The following BEST3 variants were observed in gnomAD, a reference collection of about 807,000 sequenced individuals.
BEST3 encodes the protein bestrophin-3.
A neutral mutation model predicts 47.1 loss-of-function variants in BEST3; 50 were observed. The observed-to-expected ratio is 1.06, with a 90% CI of 0.85 to 1.34. The LOEUF (loss-of-function observed/expected upper bound fraction) is 1.34, where lower values mean the gene tolerates loss of function less well. Ranked by LOEUF, BEST3 falls within the 40% of genes most tolerant of loss-of-function variation. The pLI is 0.00. For missense variants in BEST3, 765 were observed against 817.0 expected (o/e 0.94, Z 0.78); for synonymous variants, 282 against 298.8 (o/e 0.94, Z 0.58).
chr12:69,670,402 C>T (rs764089109), intron 9 of BEST3: 3 of 700,760 alleles, frequency 4.3e-6, no homozygotes, highest in South Asian at 1.5e-5. Context: ...CTCCTGGCTC[C>T]TAAATCGTTC....
At chr12:69,682,262 A>G (rs1364485554) in intron 4 of BEST3, among the ~76,000 whole-genome samples, 1 of 152,184 alleles carries the variant, frequency 6.6e-6, no homozygotes. Flanking sequence ...ATTCTGACAC[A>G]TAGTGGTGTT....
chr12:69,670,649 G>C (rs768352097), intron 9 of BEST3: 7 of 680,376 alleles, frequency 1.0e-5, no homozygotes, highest in Non-Finnish European at 1.9e-5. Flanking sequence ...AGCAACCACA[G>C]GACACAAACC....
intron 4 of BEST3, chr12:69,688,993 G>T: frequency 3.4e-6 from 2 of 589,528 alleles, no homozygotes; most frequent in Non-Finnish European, 4.3e-6. Flanking sequence ...TTTATGTAGA[G>T]AATTCAACTG....
chr12:69,670,682 C>A, intron 9 of BEST3: 1 of 579,692 alleles, frequency 1.7e-6, no homozygotes, highest in Non-Finnish European at 3.1e-6. Context: ...CCGCTTACAG[C>A]AGGCCTCAGG....
At chr12:69,665,920 G>A (rs901333372) in intron 9 of BEST3, among the ~76,000 whole-genome samples, 2 of 152,132 alleles carry the variant, frequency 1.3e-5, no homozygotes, top group Non-Finnish European at 2.9e-5. Context: ...AGATAAAGGC[G>A]GGTGGAGAAT....
intron 4 of BEST3, among the ~76,000 whole-genome samples, chr12:69,681,653 G>A (rs1885259012): frequency 6.6e-6 from 1 of 152,138 alleles, no homozygotes. Flanking sequence ...AAGGCCATAG[G>A]TCTGAATCAC....
chr12:69,683,571 C>G lies in BEST3; in HGVS notation c.482-4678G>C, dbSNP rs1885379252. On this transcript the variant is annotated intron_variant, in intron 4 of 9. Coordinates refer to ENST00000330891, the MANE Select transcript of BEST3 (RefSeq NM_032735.3). ...AATCAGAAACCCAGAAGAATGCAAC[C>G]ATTTGTCTCTTACCTACCTATGACC... The G allele has an allele frequency of 3.3e-5, 5 of 152,370 alleles. No individual in the cohort carries two copies. In the South Asian group the frequency reaches 1.0e-3, roughly 32 times the overall value. The allele number at this position is 152,370 out of a possible 1,614,324, so 9.4% of individuals were successfully genotyped here. A position where few individuals can be genotyped will look rare whatever the true frequency, so the allele number is the denominator to read the frequency against.
intron 4 of BEST3, among the ~76,000 whole-genome samples, chr12:69,686,373 A>G (rs12322558): frequency 0.19 from 28,793 of 152,136 alleles, 4,044 homozygotes; most frequent in African/African-American, 0.39. Flanking sequence ...TATTAATTCC[A>G]TGTTAGAGAA....
intron 4 of BEST3, among the ~76,000 whole-genome samples, chr12:69,691,100 TG>T (rs1256465197): frequency 6.6e-6 from 1 of 152,174 alleles, no homozygotes; most frequent in African/African-American, 2.4e-5. Context: ...AAAAAAGACC[TG>T]GGATATTATA....
chr12:69,682,525 A>C (rs775473), intron 4 of BEST3, among the ~76,000 whole-genome samples: 109,580 of 151,924 alleles, frequency 0.72, 39,562 homozygotes, highest in South Asian at 0.81. Context: ...CAATCTAAAA[A>C]ATCTGTTTTG....
At chr12:69,651,775 CAAAAAAAAAAGAAA>C (rs1242081662), downstream of BEST3, among the ~76,000 whole-genome samples, 4 of 53,508 alleles carry the variant, frequency 7.5e-5, no homozygotes, top group Admixed American at 2.4e-4. Flanking sequence ...GACTCTGTCT[CAAAAAAAAAAGAAA>C]AAAAAAAAAA....
chr12:69,693,745 A>T lies in BEST3; in HGVS notation c.410T>A (p.Leu137Gln), dbSNP rs1592378151. The change falls in exon 4 of 10, where the codon CTG (leucine) becomes CAG (glutamine). Residue 137 changes from leucine to glutamine, a missense_variant. Physicochemically the swap from Leu to Gln is moderately radical, Grantham distance 113. Coordinates refer to ENST00000330891, the MANE Select transcript of BEST3 (RefSeq NM_032735.3). Reference protein sequence around the residue: ...TLMRYVNLTSLLIFRSVSTAV... With the variant: ...TLMRYVNLTSQLIFRSVSTAV... ...AGTGCTCACCGAGCGAAAGATGAGC[A>T]GGGAGGTGAGATTGACGTAGCGCAT... is the stretch of plus-strand genomic sequence containing the variant. 6.2e-7 allele frequency: 1 copy of T among 1,614,200 alleles called. No homozygotes were observed. The highest frequency in any genetic ancestry group is 1.1e-5 in the South Asian group (1 of 91,082).
chr12:69,653,277 G>A (rs1022564936), downstream of BEST3, among the ~76,000 whole-genome samples: 1 of 152,214 alleles, frequency 6.6e-6, no homozygotes, highest in African/African-American at 2.4e-5. Flanking sequence ...GACCCAGAGA[G>A]GCCCTTGAGG....
chr12:69,649,496 T>G (rs1883143967), downstream of BEST3, among the ~76,000 whole-genome samples: 1 of 152,384 alleles, frequency 6.6e-6, no homozygotes, highest in South Asian at 2.1e-4. Context: ...AGCTTGTACA[T>G]AGAATAGGAA....
rs1317661059 is a variant in BEST3, at chr12:69,669,038, G to A, written c.1100+2390C>T. ...CCTGGTGACATTCTCTGAGCCTCTG[G>A]ATCTAGTGACACCCAAAGCTAGGCT... On this transcript the variant is annotated intron_variant, in intron 9 of 9. Coordinates refer to ENST00000330891, the MANE Select transcript of BEST3 (RefSeq NM_032735.3). Among the ~76,000 whole-genome samples, 4 of 152,120 alleles carry A rather than the reference G, an allele frequency of 2.6e-5. No individual in the cohort carries two copies. The East Asian group carries it at 7.7e-4, about 29-fold the overall frequency.
At position 69,654,950 on chromosome 12, in the gene BEST3, T is replaced by C. The variant is rs758917527; in HGVS notation, c.1964A>G (p.Asp655Gly). Residue 655 changes from aspartate (D) to glycine (G), a missense_variant, in exon 10 of 10, where the codon GAT becomes GGT. Physicochemically the swap from Asp to Gly is moderately conservative, Grantham distance 94. Transcript: ENST00000330891. Reference protein sequence around the residue: ...LMENLDTKETDIIELNKETEE... With the variant: ...LMENLDTKETGIIELNKETEE... ...AGTTTCCTTGTTCAGCTCTATGATA[T>C]CTGTTTCCTTGGTGTCCAGGTTTTC... is the stretch of plus-strand genomic sequence containing the variant. 1.2e-5 allele frequency: 19 copies of C among 1,613,950 alleles called. No homozygotes were observed. In the African/African-American group the frequency reaches 2.1e-4, roughly 18 times the overall value.
At chr12:69,693,508 G>T (rs1403391027) in intron 4 of BEST3, among the ~76,000 whole-genome samples, 166 bp downstream of exon 4, 4 of 151,870 alleles carry the variant, frequency 2.6e-5, no homozygotes, top group African/African-American at 9.7e-5. Context: ...CAGATGATCC[G>T]CCCGCCTCCA....
At chr12:69,670,663 T>A in intron 9 of BEST3, 1 of 640,048 alleles carries the variant, frequency 1.6e-6, no homozygotes, top group East Asian at 2.7e-5. Flanking sequence ...ACAAACCCAC[T>A]GCACAAATCC....
chr12:69,690,648 G>A (rs1885885518), intron 4 of BEST3, among the ~76,000 whole-genome samples: 1 of 152,200 alleles, frequency 6.6e-6, no homozygotes, highest in Non-Finnish European at 1.5e-5. Flanking sequence ...TTTCAAGGAT[G>A]CGTCAGAACT....
Sources: gnomAD v4.1 joint callset for allele counts (sites outside exome capture counted in the v4.1 genomes callset) on GRCh38, gnomAD v4.1.1 for gene constraint, MANE v1.5 for transcripts, NCBI Gene and HGNC (gene_info 2026-07-23, HGNC 2026-07-21) for gene names.